Variants in ALG14 observed in about 807,000 individuals in gnomAD.
ALG14 encodes the protein UDP-N-acetylglucosamine transferase subunit ALG14.
Under a neutral mutation model 22.8 loss-of-function variants are expected in ALG14, and 17 were observed. That is an observed-to-expected ratio of 0.75 (90% CI 0.51 to 1.12). The LOEUF (loss-of-function observed/expected upper bound fraction) is 1.12, where lower values mean the gene tolerates loss of function less well. Among genes scored for constraint, ALG14 ranks in the 50% most tolerant of loss-of-function variants. ALG14 has a pLI of 0.00. For missense variants in ALG14, 288 were observed against 271.8 expected, an observed-to-expected ratio of 1.06 and a Z score of -0.42; for synonymous variants, 89 against 103.7, an observed-to-expected ratio of 0.86 and a Z score of 0.86.
In ALG14 at chr1:94,981,051, T is replaced by C. The variant is rs996825781; in HGVS notation, c.*2025A>G. On this transcript the variant is annotated 3_prime_UTR_variant, in exon 4 of 4. Transcript: ENST00000370205. ...ACAGAGAGGCATTCACTAAACGCAG[T>C]TCACTTTCCCTTACCATTCATTTAC... The C allele has an allele frequency of 6.6e-6, 1 of 152,336 alleles. No individual in the cohort carries two copies. Among genetic ancestry groups the C allele is most frequent in the Admixed American group, 6.5e-5 (1 of 15,298 alleles). 9.4% of individuals were successfully genotyped at this position (152,336 alleles called of 1,614,324 possible).
At chr1:95,071,834 C>T (rs759729826) in intron 1 of ALG14, among the ~76,000 whole-genome samples, 1 of 152,204 alleles carries the variant, frequency 6.6e-6, no homozygotes, top group Non-Finnish European at 1.5e-5. Context: ...GTACTTCTTA[C>T]ACAATTATTA....
intron 2 of ALG14, chr1:95,041,385 A>G (rs1479288318): frequency 6.6e-6 from 1 of 152,132 alleles, no homozygotes; most frequent in Non-Finnish European, 1.5e-5. Flanking sequence ...TTTCTTTCAG[A>G]ACTGATTGGG....
intron 2 of ALG14, among the ~76,000 whole-genome samples, chr1:95,055,715 G>A (rs969643384): frequency 3.3e-5 from 5 of 151,356 alleles, no homozygotes; most frequent in South Asian, 4.2e-4. Context: ...CACCTCGGCC[G>A]GGTGTGGTGG....
At chr1:95,037,983 T>C (rs1034091757) in intron 2 of ALG14, among the ~76,000 whole-genome samples, 1 of 152,188 alleles carries the variant, frequency 6.6e-6, no homozygotes, top group African/African-American at 2.4e-5. Context: ...AAAGTGATAA[T>C]TGCAGTCAAA....
In ALG14 at chr1:95,072,870, G is replaced by A. The variant is rs1276063324; in HGVS notation, c.29C>T (p.Ala10Val). Residue 10 changes from alanine (A) to valine (V), a missense_variant, in exon 1 of 4, where the codon GCC becomes GTC. By Grantham distance (64) the Ala-to-Val change is moderately conservative (BLOSUM62 0). Transcript: ENST00000370205. MVCVLVLAA[A>V]AGAVAVFLIL... ...TAGGAAAACCGCCACAGCTCCTGCG[G>A]CCGCAGCTAGAACGAGAACGCACAC... 1 of 1,614,026 alleles carries A rather than the reference G, an allele frequency of 6.2e-7. No homozygotes were observed. The highest frequency in any genetic ancestry group is 1.3e-5 in the African/African-American group (1 of 74,926).
rs1673499501 is a variant in ALG14 at position 95,016,504 on chromosome 1, T to A, written c.420+10625A>T. ...GGAAAGGGAATATGCAGACACATGCTGATTTTTATATTTAGAAACCCACCA... is the reference window on the plus strand; with the variant it reads ...GGAAAGGGAATATGCAGACACATGCAGATTTTTATATTTAGAAACCCACCA... On this transcript the variant is annotated intron_variant, in intron 3 of 3. Transcript: ENST00000370205. Among the ~76,000 whole-genome samples, 4 of 152,192 alleles carry A rather than the reference T, an allele frequency of 2.6e-5. No individual in the cohort carries two copies. The South Asian group carries it at 8.3e-4, about 32-fold the overall frequency.
intron 2 of ALG14, among the ~76,000 whole-genome samples, chr1:95,039,485 G>A (rs1674314123): frequency 6.6e-6 from 1 of 152,084 alleles, no homozygotes; most frequent in African/African-American, 2.4e-5. Flanking sequence ...GAGAGTTTGG[G>A]ATAACTCTCA....
rs775056839 is a variant in ALG14 at position 94,976,016 on chromosome 1, C to CAAAAAAA, written c.*7053_*7059dup. ...TGGGCAACAGAGCGAGACTCTGTCT[C>CAAAAAAA]AAAAAAAAAAAAAAAAAAAAAAAAG... On this transcript the variant is annotated 3_prime_UTR_variant, in exon 4 of 4. Transcript: ENST00000370205. The CAAAAAAA allele has an allele frequency of 1.2e-3, 62 of 50,622 alleles. No individual in the cohort carries two copies. Among genetic ancestry groups the CAAAAAAA allele is most frequent in the South Asian group, 1.8e-3 (2 of 1,126 alleles). 3.1% of individuals were successfully genotyped at this position (50,622 alleles called of 1,614,324 possible). A position where few individuals can be genotyped will look rare whatever the true frequency, so the allele number is the denominator to read the frequency against.
chr1:95,071,147 G>GT (rs746926985), intron 1 of ALG14, among the ~76,000 whole-genome samples: 91 of 152,334 alleles, frequency 6.0e-4, no homozygotes, highest in Non-Finnish European at 1.2e-3. Flanking sequence ...CCCCAAGGTA[G>GT]TAAGTGGCAG....
intron 3 of ALG14, among the ~76,000 whole-genome samples, chr1:95,018,139 G>A (rs868024334): frequency 3.2e-4 from 48 of 152,138 alleles, no homozygotes; most frequent in African/African-American, 1.0e-3. Flanking sequence ...TATCACAACT[G>A]AGGTAAAATG....
At chr1:95,055,409 TATA>T (rs1204300375) in intron 2 of ALG14, among the ~76,000 whole-genome samples, 1 of 152,042 alleles carries the variant, frequency 6.6e-6, no homozygotes, top group Non-Finnish European at 1.5e-5. Context: ...CACTAAAAGA[TATA>T]TTACTTCCAA....
At chr1:95,056,723 A>T (rs1254290733) in intron 2 of ALG14, among the ~76,000 whole-genome samples, 2 of 152,074 alleles carry the variant, frequency 1.3e-5, no homozygotes, top group Non-Finnish European at 2.9e-5. Flanking sequence ...CCTAAGGGAA[A>T]ATATAAATTT....
At chr1:95,020,746 A>C (rs1318798650) in intron 3 of ALG14, among the ~76,000 whole-genome samples, 1 of 151,666 alleles carries the variant, frequency 6.6e-6, no homozygotes, top group Non-Finnish European at 1.5e-5. Context: ...CTCAAAAAAA[A>C]AAAACAAAAC....
In ALG14 at chr1:95,027,221, C is replaced by T. The variant is rs976380616; in HGVS notation, c.328G>A (p.Glu110Lys). The T allele has an allele frequency of 2.2e-5, 35 of 1,614,042 alleles. No homozygotes were observed. The highest frequency in any genetic ancestry group is 2.7e-5 in the African/African-American group (2 of 74,926). ...GTGGAGGGCCAGGACTGCTGAACCT[C>T]CCGGCTTCTTGGAATTCGGTGAATG... ...YYIHRIPRSR[E>K]VQQSWPSTVF... The change falls in exon 3 of 4, where the codon GAG (glutamate) becomes AAG (lysine). Residue 110 changes from glutamate to lysine, a missense_variant. Coordinates refer to ENST00000370205, the MANE Select transcript of ALG14 (RefSeq NM_144988.4).
chr1:95,070,876 T>C (rs1675538273), intron 1 of ALG14, among the ~76,000 whole-genome samples: 1 of 152,042 alleles, frequency 6.6e-6, no homozygotes, highest in African/African-American at 2.4e-5. Context: ...GCTGGGACTA[T>C]AGGTGCATGC....
Position 94,980,899 on chromosome 1 carries a change from T to A in ALG14, c.*2177A>T, listed in dbSNP as rs868858102. On this transcript the variant is annotated 3_prime_UTR_variant, in exon 4 of 4. Transcript: ENST00000370205. ...GGCTCTGCAAAACATCTGGGACATA[T>A]GTTTCTGGAAAAAATTATAGCATCT... The A allele has an allele frequency of 6.6e-6, 1 of 152,200 alleles. No individual in the cohort carries two copies. The highest frequency in any genetic ancestry group is 1.5e-5 in the Non-Finnish European group (1 of 68,038). 9.4% of individuals were successfully genotyped at this position (152,200 alleles called of 1,614,324 possible).
intron 3 of ALG14, among the ~76,000 whole-genome samples, chr1:95,023,129 T>G (rs1673711770): frequency 6.6e-6 from 1 of 151,936 alleles, no homozygotes; most frequent in South Asian, 2.1e-4. Context: ...ACCATCCATG[T>G]CATCAACTTT....
chr1:95,038,022 A>G (rs1030332829), intron 2 of ALG14, among the ~76,000 whole-genome samples: 8 of 152,214 alleles, frequency 5.3e-5, no homozygotes, highest in Non-Finnish European at 2.9e-5. Flanking sequence ...GACAATTATT[A>G]AATATAATGT....
At chr1:95,037,530 C>T (rs1571635882) in intron 2 of ALG14, among the ~76,000 whole-genome samples, 2 of 152,160 alleles carry the variant, frequency 1.3e-5, no homozygotes, top group African/African-American at 4.8e-5. Flanking sequence ...GTGGGAAGCC[C>T]GGTGGAGCTG....
Sources: gnomAD v4.1 joint callset for allele counts (sites outside exome capture counted in the v4.1 genomes callset) on GRCh38, gnomAD v4.1.1 for gene constraint, MANE v1.5 for transcripts, NCBI Gene and HGNC (gene_info 2026-07-23, HGNC 2026-07-21) for gene names.